The following FBXL17 variants were observed in gnomAD, a reference collection of about 807,000 sequenced individuals.
The protein encoded by FBXL17 is F-box/LRR-repeat protein 17.
In FBXL17, 22 loss-of-function variants were observed where a neutral mutation model predicts 66.2. That is an observed-to-expected ratio of 0.33 (90% confidence interval 0.24 to 0.47). FBXL17 has a LOEUF of 0.47. FBXL17 is among the 20% of genes least tolerant of loss of function. The pLI, the probability that FBXL17 is intolerant of heterozygous loss-of-function variation, is 1.00. For missense variants in FBXL17, 878 were observed against 948.2 expected (o/e 0.93, Z 0.97); for synonymous variants, 474 against 400.5 (o/e 1.18, Z -2.19).
intron 6 of FBXL17, among the ~76,000 whole-genome samples, chr5:108,162,509 C>A (rs1752254486): frequency 6.6e-6 from 1 of 152,046 alleles, no homozygotes; most frequent in African/African-American, 2.4e-5. Flanking sequence ...AACAAACAAA[C>A]ATACAAAAAT....
chr5:107,976,657 A>G (rs1349335997), intron 7 of FBXL17, among the ~76,000 whole-genome samples: 1 of 152,256 alleles, frequency 6.6e-6, no homozygotes, highest in Non-Finnish European at 1.5e-5. Context: ...ATGAGTAGAA[A>G]AAAGGAACAC....
intron 6 of FBXL17, among the ~76,000 whole-genome samples, chr5:108,094,823 T>C (rs1230759027): frequency 6.6e-6 from 1 of 150,644 alleles, no homozygotes; most frequent in Non-Finnish European, 1.5e-5. Context: ...AAAATGACTT[T>C]AGAAGCCTAA....
chr5:107,990,788 CTGT>C (rs1348433231), intron 7 of FBXL17, among the ~76,000 whole-genome samples: 1 of 152,112 alleles, frequency 6.6e-6, no homozygotes, highest in Non-Finnish European at 1.5e-5. Context: ...GACAAGGTCC[CTGT>C]CCCCAGGGAA....
chr5:108,083,341 T>A (rs930163235), intron 6 of FBXL17, among the ~76,000 whole-genome samples: 2 of 152,228 alleles, frequency 1.3e-5, no homozygotes, highest in African/African-American at 2.4e-5. Flanking sequence ...CTTAGCTCCA[T>A]GTAAACTCAC....
intron 7 of FBXL17, among the ~76,000 whole-genome samples, chr5:107,953,402 C>CTAAAA (rs1751564534): frequency 2.0e-5 from 1 of 50,602 alleles, no homozygotes; most frequent in African/African-American, 7.6e-5. Context: ...GACTCTCTCT[C>CTAAAA]AAAAAAAAAA....
chr5:108,125,839 T>G (rs1256387670), intron 6 of FBXL17, among the ~76,000 whole-genome samples: 1 of 152,128 alleles, frequency 6.6e-6, no homozygotes, highest in Non-Finnish European at 1.5e-5. Flanking sequence ...TCATTCAAAA[T>G]ATATCTAAAC....
intron 6 of FBXL17, among the ~76,000 whole-genome samples, chr5:108,158,240 TAA>T (rs200056404): frequency 7.2e-5 from 11 of 152,062 alleles, no homozygotes; most frequent in African/African-American, 2.7e-4. Flanking sequence ...ATAAGTATAT[TAA>T]AGTGTACAAA....
chr5:107,879,205 T>G (rs1030376699), intron 8 of FBXL17: 1 of 985,304 alleles, frequency 1.0e-6, no homozygotes, highest in African/African-American at 1.7e-5. Flanking sequence ...GTTAGAAATA[T>G]GACAATTTCT....
At chr5:107,917,070 T>C (rs1416702368) in intron 7 of FBXL17, among the ~76,000 whole-genome samples, 1 of 152,228 alleles carries the variant, frequency 6.6e-6, no homozygotes, top group Admixed American at 6.5e-5. Flanking sequence ...AAGTTCACTT[T>C]GTAAACCTTG....
chr5:108,055,307 AAAAAAAGAAAAACG>A lies in FBXL17; in HGVS notation c.1746-34320_1746-34307del, dbSNP rs1747653334. Among the ~76,000 whole-genome samples, 9 of 22,122 alleles carry A rather than the reference AAAAAAAGAAAAACG, an allele frequency of 4.1e-4. 1 individual carries two copies. Among genetic ancestry groups the A allele is most frequent in the African/African-American group, 1.9e-3 (9 of 4,626 alleles). The allele number at this position is 22,122 out of a possible 152,430, so 14.5% of individuals were successfully genotyped here. Reference sequence around the variant, plus strand: ...AAAAAAAAAAAAAAAAAAAAAAAAAAAAAAAAGAAAAACGCTTCAGGCCGGGCACGGTGGCTCAT... The same window carrying A: ...AAAAAAAAAAAAAAAAAAAAAAAAAACTTCAGGCCGGGCACGGTGGCTCAT... On this transcript the variant is annotated intron_variant, in intron 6 of 8. Transcript: ENST00000542267.
At chr5:108,336,582 T>A (rs1760392657) in intron 4 of FBXL17, among the ~76,000 whole-genome samples, 3 of 152,044 alleles carry the variant, frequency 2.0e-5, no homozygotes, top group Admixed American at 1.3e-4. Flanking sequence ...TAACAGGTAA[T>A]CTGTAATAAA....
chr5:108,117,660 T>C (rs564927891), intron 6 of FBXL17, among the ~76,000 whole-genome samples: 138 of 152,114 alleles, frequency 9.1e-4, no homozygotes, highest in African/African-American at 3.2e-3. Context: ...TCAAAAAACG[T>C]TGAGGTATTA....
intron 6 of FBXL17, among the ~76,000 whole-genome samples, chr5:108,157,722 T>A (rs1333715651): frequency 1.3e-5 from 2 of 151,992 alleles, no homozygotes; most frequent in East Asian, 1.9e-4. Flanking sequence ...AAAGAAAATA[T>A]TAAAAAAAAC....
chr5:108,224,525 GTA>G (rs1491460194), intron 4 of FBXL17, among the ~76,000 whole-genome samples: 2 of 125,230 alleles, frequency 1.6e-5, no homozygotes, highest in African/African-American at 6.7e-5. Context: ...ATATGTATAT[GTA>G]TACACACACA....
chr5:108,301,339 A>ATTT (rs1167509513), intron 4 of FBXL17, among the ~76,000 whole-genome samples: 1 of 151,724 alleles, frequency 6.6e-6, no homozygotes, highest in Non-Finnish European at 1.5e-5. Flanking sequence ...AATGCAGATC[A>ATTT]TTTTTTCATA....
chr5:108,327,193 G>A (rs1393949520), intron 4 of FBXL17, among the ~76,000 whole-genome samples: 1 of 152,178 alleles, frequency 6.6e-6, no homozygotes, highest in Admixed American at 6.5e-5. Context: ...AGGAATTGTT[G>A]TCAACAATCT....
intron 5 of FBXL17, among the ~76,000 whole-genome samples, chr5:108,207,536 G>A (rs1280039789): frequency 6.6e-6 from 1 of 151,948 alleles, no homozygotes. Context: ...ATGTCCATGT[G>A]TTCTCATTGT....
At chr5:107,964,125 C>T (rs1314440681) in intron 7 of FBXL17, among the ~76,000 whole-genome samples, 1 of 152,118 alleles carries the variant, frequency 6.6e-6, no homozygotes, top group East Asian at 1.9e-4. Context: ...GAATTCACTG[C>T]ACAGCTGGCA....
chr5:108,002,290 C>T (rs1309782337), intron 7 of FBXL17, among the ~76,000 whole-genome samples: 1 of 149,898 alleles, frequency 6.7e-6, no homozygotes, highest in Non-Finnish European at 1.5e-5. Context: ...TCCCAAAATG[C>T]TGGGATTACA....
Sources: gnomAD v4.1 joint callset for allele counts (sites outside exome capture counted in the v4.1 genomes callset) on GRCh38, gnomAD v4.1.1 for gene constraint, MANE v1.5 for transcripts, NCBI Gene and HGNC (gene_info 2026-07-23, HGNC 2026-07-21) for gene names.